Variants in KCNIP4 observed in about 807,000 individuals in gnomAD.
The protein encoded by KCNIP4 is potassium voltage-gated channel interacting protein 4.
Under a neutral mutation model 34.0 loss-of-function variants are expected in KCNIP4, and 12 were observed. That is an observed-to-expected ratio of 0.35 (90% CI 0.23 to 0.57). KCNIP4 has a LOEUF of 0.57. KCNIP4 is among the 20% of genes least tolerant of loss of function. The pLI is 0.83. For synonymous variants in KCNIP4, 124 were observed against 102.2 expected, an observed-to-expected ratio of 1.21 and a Z score of -1.29; for missense variants, 238 against 311.7, an observed-to-expected ratio of 0.76 and a Z score of 1.78.
chr4:21,029,603 G>A (rs549600609), intron 1 of KCNIP4, among the ~76,000 whole-genome samples: 3 of 152,306 alleles, frequency 2.0e-5, no homozygotes, highest in East Asian at 1.9e-4. Context: ...AAGTCCAAGA[G>A]TTGTCTATCA....
rs1734935245 is a variant in KCNIP4 at position 20,971,383 on chromosome 4, T to C, written c.62-88674A>G. Among the ~76,000 whole-genome samples the C allele has an allele frequency of 2.6e-5, 4 of 152,152 alleles. No homozygotes were observed. The South Asian group carries it at 8.3e-4, about 31-fold the overall frequency. On this transcript the variant is annotated intron_variant, in intron 1 of 8. Transcript: ENST00000382152. Reference sequence around the variant, plus strand: ...AAAGGACAATCTATTAAAGATGCAATTGAAGAACCCAGTAATACAGCCATA... The same window carrying C: ...AAAGGACAATCTATTAAAGATGCAACTGAAGAACCCAGTAATACAGCCATA...
intron 1 of KCNIP4, among the ~76,000 whole-genome samples, chr4:20,892,900 T>A (rs1726086802): frequency 6.6e-6 from 1 of 152,180 alleles, no homozygotes; most frequent in South Asian, 2.1e-4. Context: ...CAATTTTCCC[T>A]TGCTCCTCTG....
At chr4:20,832,647 C>T (rs1578727634) in intron 3 of KCNIP4, among the ~76,000 whole-genome samples, 1 of 99,630 alleles carries the variant, frequency 1.0e-5, no homozygotes, top group African/African-American at 3.7e-5. Flanking sequence ...TATTGGCCTA[C>T]CTACAATGGT....
intron 2 of KCNIP4, among the ~76,000 whole-genome samples, chr4:20,872,053 T>G (rs1723529035): frequency 6.6e-6 from 1 of 152,098 alleles, no homozygotes; most frequent in Non-Finnish European, 1.5e-5. Flanking sequence ...CATACAGGAT[T>G]TCTGTAATGA....
At chr4:21,106,788 G>T (rs754569849) in intron 1 of KCNIP4, among the ~76,000 whole-genome samples, 2 of 151,410 alleles carry the variant, frequency 1.3e-5, no homozygotes, top group Non-Finnish European at 2.9e-5. Flanking sequence ...AGAGATTCTG[G>T]TATGTTGTGT....
At chr4:21,564,375 C>T (rs756411483) in intron 1 of KCNIP4, among the ~76,000 whole-genome samples, 2 of 152,102 alleles carry the variant, frequency 1.3e-5, no homozygotes, top group Non-Finnish European at 2.9e-5. Flanking sequence ...ACACCCACTC[C>T]TCAATGGACT....
intron 1 of KCNIP4, among the ~76,000 whole-genome samples, chr4:21,214,004 A>T (rs1757399354): frequency 2.0e-5 from 3 of 152,180 alleles, no homozygotes; most frequent in African/African-American, 7.2e-5. Context: ...CTGACTCTGC[A>T]ATGAATGACT....
At chr4:21,887,402 C>T (rs1333748962) in intron 1 of KCNIP4, among the ~76,000 whole-genome samples, 5 of 152,046 alleles carry the variant, frequency 3.3e-5, no homozygotes, top group Admixed American at 3.3e-4. Context: ...TAATCTCATT[C>T]ATGAGAGTTC....
chr4:21,698,436 C>T (rs189591278), intron 1 of KCNIP4, among the ~76,000 whole-genome samples: 1 of 152,262 alleles, frequency 6.6e-6, no homozygotes, highest in Admixed American at 6.5e-5. Flanking sequence ...ATCTCCCTAC[C>T]AATCAACTTT....
At chr4:21,319,103 C>T (rs551031200) in intron 1 of KCNIP4, among the ~76,000 whole-genome samples, 40 of 152,270 alleles carry the variant, frequency 2.6e-4, no homozygotes, top group African/African-American at 4.6e-4. Flanking sequence ...CAACGAGGCG[C>T]GAATTCTAGC....
intron 1 of KCNIP4, among the ~76,000 whole-genome samples, chr4:21,661,966 A>G (rs776225876): frequency 1.8e-4 from 28 of 152,168 alleles, no homozygotes; most frequent in Non-Finnish European, 2.5e-4. Context: ...GAAAATTTTC[A>G]GTTGCTGTAA....
intron 5 of KCNIP4, among the ~76,000 whole-genome samples, chr4:20,741,895 C>T (rs1291791863): frequency 2.0e-5 from 3 of 152,166 alleles, no homozygotes; most frequent in African/African-American, 7.2e-5. Context: ...GATATCACCA[C>T]TGATCCCACA....
Position 21,249,508 on chromosome 4 carries a change from C to G in KCNIP4, c.62-366799G>C, listed in dbSNP as rs148732511. Among the ~76,000 whole-genome samples, 598 of 152,026 alleles carry G rather than the reference C, an allele frequency of 3.9e-3. 4 individuals are homozygous for G. The highest frequency in any genetic ancestry group is 0.013 in the African/African-American group (558 of 41,476). Reference sequence around the variant, plus strand: ...TCTATGAATTTTGGCAAGCAATAACCATGTCAGGCCTTTTTTTCGTTGATC... The same window carrying G: ...TCTATGAATTTTGGCAAGCAATAACGATGTCAGGCCTTTTTTTCGTTGATC... On this transcript the variant is annotated intron_variant, in intron 1 of 8. Coordinates refer to ENST00000382152, the MANE Select transcript of KCNIP4 (RefSeq NM_025221.6).
At chr4:20,928,315 C>T (rs1042804003) in intron 1 of KCNIP4, among the ~76,000 whole-genome samples, 9 of 149,618 alleles carry the variant, frequency 6.0e-5, no homozygotes, top group African/African-American at 2.2e-4. Context: ...AAATCAATAA[C>T]ATGGGGAACT....
intron 3 of KCNIP4, among the ~76,000 whole-genome samples, chr4:20,768,338 G>A (rs1314739656): frequency 6.6e-6 from 1 of 152,092 alleles, no homozygotes; most frequent in South Asian, 2.1e-4. Context: ...TGGGGGTTCC[G>A]ATATCCCCAT....
intron 1 of KCNIP4, among the ~76,000 whole-genome samples, chr4:21,595,127 C>T (rs1157267675): frequency 2.6e-5 from 4 of 152,098 alleles, no homozygotes; most frequent in African/African-American, 9.7e-5. Context: ...TGTCCTAATG[C>T]TATCCCTACC....
chr4:20,771,426 G>A (rs1004156335), intron 3 of KCNIP4, among the ~76,000 whole-genome samples: 5 of 152,072 alleles, frequency 3.3e-5, no homozygotes, highest in Admixed American at 2.0e-4. Flanking sequence ...ATAGTCAAAA[G>A]CATTCTAACA....
intron 3 of KCNIP4, among the ~76,000 whole-genome samples, chr4:20,819,204 C>G (rs931551781): frequency 4.6e-5 from 7 of 152,030 alleles, no homozygotes; most frequent in African/African-American, 1.7e-4. Flanking sequence ...ATGATATACA[C>G]AAACACTATC....
chr4:21,528,858 AG>A lies in KCNIP4; in HGVS notation c.61+419712del, dbSNP rs1736401497. Among the ~76,000 whole-genome samples the A allele has an allele frequency of 6.7e-5, 10 of 149,552 alleles. 1 individual carries two copies. The highest frequency in any genetic ancestry group is 1.2e-4 in the African/African-American group (5 of 40,596). On this transcript the variant is annotated intron_variant, in intron 1 of 8. Transcript: ENST00000382152. Reference sequence around the variant, plus strand: ...AAGGAAGGAAGGAAGGAAGGAAGGAAGGAAGGAAGGAAGGGAAATTCAATTT... The same window carrying A: ...AAGGAAGGAAGGAAGGAAGGAAGGAAGAAGGAAGGAAGGGAAATTCAATTT...
Sources: allele counts gnomAD v4.1 joint callset (sites outside exome capture counted in the v4.1 genomes callset), GRCh38; gene constraint gnomAD v4.1.1; transcripts MANE v1.5; gene names NCBI Gene and HGNC (gene_info 2026-07-23, HGNC 2026-07-21).